The following ANKS1B variants were observed in gnomAD, a reference collection of about 807,000 sequenced individuals.
The protein encoded by ANKS1B is ankyrin repeat and sterile alpha motif domain containing 1B.
ANKS1B carries 36 observed loss-of-function variants against 148.3 expected under a neutral mutation model. That is an observed-to-expected ratio of 0.24 (90% CI 0.19 to 0.32). The LOEUF is 0.32. Ranked by LOEUF, ANKS1B falls within the 10% of genes least tolerant of loss-of-function variation. ANKS1B has a pLI of 1.00. For synonymous variants in ANKS1B, 542 were observed against 560.8 expected (o/e 0.97, Z 0.47); for missense variants, 1,157 against 1,542.6 (o/e 0.75, Z 4.19).
intron 9 of ANKS1B, among the ~76,000 whole-genome samples, chr12:99,623,728 T>C (rs1210307618): frequency 6.6e-6 from 1 of 151,820 alleles, no homozygotes; most frequent in Non-Finnish European, 1.5e-5. Flanking sequence ...AGGAAAACTA[T>C]AAAACACTGC....
intron 8 of ANKS1B, among the ~76,000 whole-genome samples, chr12:99,739,691 T>C (rs565579307): frequency 1.3e-5 from 2 of 152,278 alleles, no homozygotes; most frequent in South Asian, 4.2e-4. Flanking sequence ...GCCTCACTCA[T>C]GCCAATCACT....
intron 22 of ANKS1B, among the ~76,000 whole-genome samples, chr12:98,797,305 G>C (rs1014340865): frequency 6.6e-6 from 1 of 152,116 alleles, no homozygotes; most frequent in South Asian, 2.1e-4. Flanking sequence ...CTGGGCTCTG[G>C]AGTCAGACAG....
chr12:99,471,709 T>G (rs766003723), intron 10 of ANKS1B, among the ~76,000 whole-genome samples: 36 of 151,932 alleles, frequency 2.4e-4, no homozygotes, highest in Non-Finnish European at 4.1e-4. Flanking sequence ...TGTTTACTCT[T>G]TGGTCTGCTA....
chr12:99,809,910 T>C (rs1172513216), intron 3 of ANKS1B, among the ~76,000 whole-genome samples: 1 of 152,040 alleles, frequency 6.6e-6, no homozygotes, highest in African/African-American at 2.4e-5. Flanking sequence ...CATTTCTTAG[T>C]AGCTGTGATG....
intron 8 of ANKS1B, among the ~76,000 whole-genome samples, chr12:99,697,575 T>C (rs1433894903): frequency 6.6e-6 from 1 of 152,094 alleles, no homozygotes; most frequent in Non-Finnish European, 1.5e-5. Context: ...TTGCCAAAGT[T>C]CTGGGGGATA....
At chr12:99,645,437 T>C (rs1378380683) in intron 9 of ANKS1B, among the ~76,000 whole-genome samples, 1 of 152,224 alleles carries the variant, frequency 6.6e-6, no homozygotes, top group South Asian at 2.1e-4. Context: ...GGGGGAAAGC[T>C]AAAGCCCTAT....
intron 12 of ANKS1B, among the ~76,000 whole-genome samples, chr12:99,311,850 T>C (rs1172901448): frequency 6.6e-6 from 1 of 152,126 alleles, no homozygotes; most frequent in Admixed American, 6.6e-5. Flanking sequence ...TTTTATAGTA[T>C]TGAGGAGGCT....
chr12:99,679,853 C>T (rs754642056), intron 8 of ANKS1B, among the ~76,000 whole-genome samples: 17 of 152,070 alleles, frequency 1.1e-4, no homozygotes, highest in Non-Finnish European at 2.2e-4. Flanking sequence ...CTTGCAGCAC[C>T]CACTCGGATG....
intron 9 of ANKS1B, chr12:99,647,715 T>C (rs1002289104): frequency 1.2e-5 from 2 of 172,906 alleles, no homozygotes; most frequent in East Asian, 2.9e-4. Flanking sequence ...TCACAATGGG[T>C]AGGGGAGGAT....
chr12:99,701,134 T>C (rs943227479), intron 8 of ANKS1B, among the ~76,000 whole-genome samples: 1 of 152,206 alleles, frequency 6.6e-6, no homozygotes, highest in Non-Finnish European at 1.5e-5. Context: ...ACCAGGCTCC[T>C]GATCCATTTT....
Position 99,586,993 on chromosome 12 carries a change from C to CAT in ANKS1B, c.1272+68072_1272+68073dup, listed in dbSNP as rs148452414. On this transcript the variant is annotated intron_variant, in intron 9 of 26. Coordinates refer to ENST00000683438, the MANE Select transcript of ANKS1B (RefSeq NM_001352186.2). ...GGACAGAACCAAACCATACACAAAA[C>CAT]ATATATATATATATTTGCTACTAAG... Among the ~76,000 whole-genome samples, 103 of 151,152 alleles carry CAT rather than the reference C, an allele frequency of 6.8e-4. 2 individuals carry two copies. Among genetic ancestry groups the CAT allele is most frequent in the South Asian group, 3.1e-3 (15 of 4,788 alleles).
intron 25 of ANKS1B, among the ~76,000 whole-genome samples, chr12:98,756,536 C>A (rs1047045127): frequency 1.4e-5 from 2 of 144,528 alleles, no homozygotes; most frequent in South Asian, 2.2e-4. Context: ...ATTAGTGAAA[C>A]CCCATCCCTA....
chr12:99,961,286 G>T (rs563755859), intron 1 of ANKS1B, among the ~76,000 whole-genome samples: 5 of 152,160 alleles, frequency 3.3e-5, no homozygotes, highest in African/African-American at 1.2e-4. Flanking sequence ...AATGAAGTGA[G>T]AGAATTTAAA....
chr12:98,857,733 G>T (rs1215836897), intron 17 of ANKS1B, among the ~76,000 whole-genome samples: 3 of 152,062 alleles, frequency 2.0e-5, no homozygotes, highest in Non-Finnish European at 4.4e-5. Flanking sequence ...AACTATTTAT[G>T]GGGGTCAGTA....
At chr12:99,477,526 G>A (rs892804608) in intron 10 of ANKS1B, among the ~76,000 whole-genome samples, 1 of 152,096 alleles carries the variant, frequency 6.6e-6, no homozygotes, top group Non-Finnish European at 1.5e-5. Context: ...AACTAGCAAT[G>A]CCACCTTGAG....
At chr12:99,005,278 G>A (rs952216314) in intron 17 of ANKS1B, among the ~76,000 whole-genome samples, 1 of 152,134 alleles carries the variant, frequency 6.6e-6, no homozygotes, top group African/African-American at 2.4e-5. Flanking sequence ...GAAGGGCGTC[G>A]CTGTTGTTGC....
intron 14 of ANKS1B, among the ~76,000 whole-genome samples, chr12:99,188,424 A>T (rs2153876099): frequency 6.6e-6 from 1 of 152,334 alleles, no homozygotes. Flanking sequence ...ACTTATTCTA[A>T]AATTGACCAT....
intron 8 of ANKS1B, among the ~76,000 whole-genome samples, chr12:99,749,568 TATGGCA>T (rs2060916347): frequency 6.6e-6 from 1 of 152,090 alleles, no homozygotes; most frequent in Non-Finnish European, 1.5e-5. Flanking sequence ...GAAAATAAGA[TATGGCA>T]GAAATTTTCT....
intron 10 of ANKS1B, among the ~76,000 whole-genome samples, chr12:99,475,118 C>T (rs2096296513): frequency 6.6e-6 from 1 of 151,392 alleles, no homozygotes; most frequent in South Asian, 2.1e-4. Flanking sequence ...GTGGCACACA[C>T]CTGTAATCCC....
Sources: gnomAD v4.1 joint callset for allele counts (sites outside exome capture counted in the v4.1 genomes callset) on GRCh38, gnomAD v4.1.1 for gene constraint, MANE v1.5 for transcripts, NCBI Gene and HGNC (gene_info 2026-07-23, HGNC 2026-07-21) for gene names.